The following PMPCB variants were observed in gnomAD, a reference collection of about 807,000 sequenced individuals.
The protein encoded by PMPCB is peptidase, mitochondrial processing subunit beta.
PMPCB carries 46 observed loss-of-function variants against 61.5 expected under a neutral mutation model. The observed-to-expected ratio is 0.75, with a 90% CI of 0.59 to 0.96. PMPCB has a LOEUF of 0.96. PMPCB is among the 40% of genes least tolerant of loss of function. PMPCB has a pLI of 0.00. For missense variants in PMPCB, 590 were observed against 602.4 expected (o/e 0.98, Z 0.22); for synonymous variants, 191 against 201.6 (o/e 0.95, Z 0.44).
At chr7:103,329,607 G>T (rs1055032684), downstream of PMPCB, 1 of 152,036 alleles carries the variant, frequency 6.6e-6, no homozygotes, top group Admixed American at 6.6e-5. Context: ...ATATAGTCAA[G>T]AAAGTATCTA....
In PMPCB at chr7:103,313,477, TCTACTTCCTTACAGAATAG is replaced by T. The variant is rs1817873415; in HGVS notation, c.*1207_*1225del. The T allele has an allele frequency of 7.1e-6, 7 of 985,160 alleles. No homozygotes were observed. In the African/African-American group the frequency reaches 1.0e-4, roughly 15 times the overall value. 61.0% of individuals were successfully genotyped at this position (985,160 alleles called of 1,614,324 possible). On this transcript the variant is annotated 3_prime_UTR_variant, in exon 13 of 13. Transcript: ENST00000249269. Reference sequence around the variant, plus strand: ...ACAATTCATTAAGAGTTCTGATAAATCTACTTCCTTACAGAATAGGTAAAAGAGCTTCCTCACAGTTAAA... The same window carrying T: ...ACAATTCATTAAGAGTTCTGATAAATGTAAAAGAGCTTCCTCACAGTTAAA...
downstream of PMPCB, chr7:103,316,670 T>G: frequency 1.6e-6 from 1 of 626,448 alleles, no homozygotes. Context: ...TGGGTAAGAC[T>G]GACAGCTTCA....
chr7:103,344,979 G>C, the PMPCB span: 1 of 421,830 alleles, frequency 2.4e-6, no homozygotes, highest in Non-Finnish European at 4.2e-6. Context: ...ACCTTTAAAA[G>C]CAGTTCTTTT....
At chr7:103,302,327 T>A (rs1817472570) in intron 4 of PMPCB, among the ~76,000 whole-genome samples, 1 of 152,226 alleles carries the variant, frequency 6.6e-6, no homozygotes, top group African/African-American at 2.4e-5. Flanking sequence ...AATGTATGTA[T>A]ACTTGTAAGT....
chr7:103,324,244 T>C lies in PMPCB; in HGVS notation c.*1432-4687T>C, dbSNP rs745945851. Among the ~76,000 whole-genome samples, 10 of 152,324 alleles carry C rather than the reference T, an allele frequency of 6.6e-5. No individual in the cohort carries two copies. In the South Asian group the frequency reaches 1.5e-3, roughly 22 times the overall value. ...AAGTAACTAAATAAAAATGTACTTATTTTTATTCAAATGACTCCCCAATTT... is the reference window on the plus strand; with the variant it reads ...AAGTAACTAAATAAAAATGTACTTACTTTTATTCAAATGACTCCCCAATTT... On this transcript the variant is annotated intron_variant and NMD_transcript_variant, in intron 12 of 12. Coordinates refer to the PMPCB transcript ENST00000444457.
chr7:103,324,607 G>A, intron 12 of PMPCB: 2 of 1,354,386 alleles, frequency 1.5e-6, no homozygotes, highest in Non-Finnish European at 9.9e-7. Flanking sequence ...CAAAAATTAT[G>A]TACAACAGTT....
At chr7:103,317,045 A>G (rs770243930), downstream of PMPCB, 8 of 1,570,844 alleles carry the variant, frequency 5.1e-6, no homozygotes, top group Non-Finnish European at 6.1e-6. Context: ...AGGGACTTAG[A>G]AGTATACTGT....
At chr7:103,298,483 A>G in intron 1 of PMPCB, 85 bp from the exon 2 acceptor site, 1 of 1,328,530 alleles carries the variant, frequency 7.5e-7, no homozygotes, top group Non-Finnish European at 1.0e-6. Context: ...GCCTATTTAA[A>G]ATAGATTTGG....
intron 12 of PMPCB, among the ~76,000 whole-genome samples, chr7:103,326,042 GA>G (rs1474485115): frequency 6.6e-6 from 1 of 151,834 alleles, no homozygotes; most frequent in Non-Finnish European, 1.5e-5. Flanking sequence ...GTAGTGGCAT[GA>G]CCTCGGCTCA....
chr7:103,315,761 T>C, downstream of PMPCB: 1 of 1,610,986 alleles, frequency 6.2e-7, no homozygotes. Context: ...AAGCAAAATT[T>C]ACCTTCAAAT....
At chr7:103,339,000 A>G in the PMPCB span, among the ~76,000 whole-genome samples, 1 of 152,204 alleles carries the variant, frequency 6.6e-6, no homozygotes, top group Non-Finnish European at 1.5e-5. Flanking sequence ...ACAAAGGCCT[A>G]AGAAAGGCTC....
chr7:103,346,372 C>T, the PMPCB span, among the ~76,000 whole-genome samples: 1 of 152,158 alleles, frequency 6.6e-6, no homozygotes, highest in Admixed American at 6.5e-5. Flanking sequence ...ACCTCATGAT[C>T]TGCCTGCTTC....
the PMPCB span, chr7:103,337,929 A>C: frequency 1.4e-6 from 1 of 716,356 alleles, no homozygotes; most frequent in South Asian, 1.7e-5. Context: ...GAGTCCAGTA[A>C]GAGGTTCTGT....
chr7:103,330,890 T>C (rs1216783766), downstream of PMPCB, among the ~76,000 whole-genome samples: 2 of 151,994 alleles, frequency 1.3e-5, no homozygotes, highest in Non-Finnish European at 2.9e-5. Flanking sequence ...CCACTATTTT[T>C]TCATGATACA....
chr7:103,312,025 C>G lies in PMPCB; in HGVS notation c.1330-31C>G, dbSNP rs1361415833. The stretch of plus-strand genomic sequence containing the variant: ...GTATAGACTTTGTTTTTACTACAAA[C>G]AGCTGAATGACAGTGTCTTCCATAT... On this transcript the variant is annotated intron_variant, in intron 11 of 12. Transcript: ENST00000249269. The G allele has an allele frequency of 2.5e-6, 4 of 1,601,230 alleles. No homozygotes were observed. The South Asian group carries it at 3.3e-5, about 13-fold the overall frequency.
chr7:103,333,439 G>T (rs1819049017), downstream of PMPCB, among the ~76,000 whole-genome samples: 1 of 152,162 alleles, frequency 6.6e-6, no homozygotes, highest in East Asian at 1.9e-4. Flanking sequence ...AGGCTCAAAA[G>T]AATATATTTA....
the PMPCB span, chr7:103,336,315 C>G: frequency 6.6e-6 from 1 of 152,198 alleles, no homozygotes; most frequent in African/African-American, 2.4e-5. Flanking sequence ...ACAAATTTAT[C>G]TGTACTAAGA....
At chr7:103,341,877 C>T in the PMPCB span, 15 of 1,612,926 alleles carry the variant, frequency 9.3e-6, no homozygotes, top group Non-Finnish European at 1.3e-5. Flanking sequence ...TGAAAAGAGG[C>T]AGAAGCATTT....
At chr7:103,319,195 T>C (rs1818242870), downstream of PMPCB, among the ~76,000 whole-genome samples, 3 of 151,660 alleles carry the variant, frequency 2.0e-5, no homozygotes, top group Admixed American at 1.3e-4. Context: ...TCCCAGCACT[T>C]TGAGAAGCCT....
Sources: gnomAD v4.1 joint callset for allele counts (sites outside exome capture counted in the v4.1 genomes callset) on GRCh38, gnomAD v4.1.1 for gene constraint, MANE v1.5 for transcripts, NCBI Gene and HGNC (gene_info 2026-07-23, HGNC 2026-07-21) for gene names.